Variants in KCNN3 observed in about 807,000 individuals in gnomAD.
The protein encoded by KCNN3 is potassium calcium-activated channel subfamily N member 3, also known as small conductance calcium-activated potassium channel protein 3.
In KCNN3, 16 loss-of-function variants were observed where a neutral mutation model predicts 62.9. That is an observed-to-expected ratio of 0.25 (90% CI 0.17 to 0.39). The LOEUF is 0.39. Among genes scored for constraint, KCNN3 ranks in the 10% least tolerant of loss-of-function variants. The probability of loss-of-function intolerance (pLI) is 1.00; values close to 1 mark genes in which losing one functional copy is unlikely to be tolerated. For missense variants in KCNN3, 599 were observed against 949.4 expected (o/e 0.63, Z 4.85); for synonymous variants, 370 against 389.2 (o/e 0.95, Z 0.58).
chr1:154,842,312 G>A (rs1315639609), intron 1 of KCNN3, among the ~76,000 whole-genome samples: 1 of 152,126 alleles, frequency 6.6e-6, no homozygotes, highest in Non-Finnish European at 1.5e-5. Flanking sequence ...TCCACACACA[G>A]TTCAGGCACC....
rs568852716 is a variant in KCNN3, at chr1:154,870,250, C to T, written c.-286G>A. The T allele has an allele frequency of 2.5e-4, 150 of 604,422 alleles. No homozygotes were observed. The highest frequency in any genetic ancestry group is 1.5e-3 in the Admixed American group (68 of 45,832). The allele number at this position is 604,422 out of a possible 1,614,324, so 37.4% of individuals were successfully genotyped here. On this transcript the variant is annotated 5_prime_UTR_variant, in exon 1 of 8. Transcript: ENST00000271915. The stretch of plus-strand genomic sequence containing the variant: ...GGTGGTCCTCTAGGAGCGTGTGAGG[C>T]CAGGCTCAGCTTCACTCCTCGCTGG...
intron 2 of KCNN3, among the ~76,000 whole-genome samples, chr1:154,791,965 T>G (rs866960840): frequency 2.0e-5 from 3 of 152,206 alleles, no homozygotes; most frequent in Non-Finnish European, 2.9e-5. Flanking sequence ...CTGCTTCCAC[T>G]GGCCAGGAAG....
intron 1 of KCNN3, among the ~76,000 whole-genome samples, chr1:154,841,385 T>A (rs1375305380): frequency 6.6e-6 from 1 of 152,088 alleles, no homozygotes; most frequent in Admixed American, 6.5e-5. Flanking sequence ...CTTTTTAAAA[T>A]CCCCACACCC....
chr1:154,742,331 G>A lies in KCNN3; in HGVS notation c.1449-9187C>T, dbSNP rs12120146. Among the ~76,000 whole-genome samples, 1,375 of 152,340 alleles carry A rather than the reference G, an allele frequency of 9.0e-3. 10 individuals carry two copies. Among genetic ancestry groups the A allele is most frequent in the Non-Finnish European group, 0.013 (883 of 68,036 alleles). On this transcript the variant is annotated intron_variant, in intron 3 of 7. Coordinates refer to ENST00000271915, the MANE Select transcript of KCNN3 (RefSeq NM_002249.6). ...CCACACACTGGCTTGCAGAAAGGCC[G>A]CAAAGCTGGCTGGGGTATAGCTGAA...
chr1:154,738,323 T>C (rs1004118968), intron 3 of KCNN3, among the ~76,000 whole-genome samples: 6 of 152,212 alleles, frequency 3.9e-5, no homozygotes, highest in African/African-American at 1.4e-4. Context: ...GGCCATGGAA[T>C]AAAGCCTTCA....
intron 2 of KCNN3, among the ~76,000 whole-genome samples, chr1:154,777,223 G>T (rs1270961707): frequency 6.6e-6 from 1 of 151,388 alleles, no homozygotes; most frequent in African/African-American, 2.4e-5. Flanking sequence ...AGACCCTCTT[G>T]CTCGCACCTC....
chr1:154,737,665 A>G (rs1485235448), intron 3 of KCNN3, among the ~76,000 whole-genome samples: 1 of 152,242 alleles, frequency 6.6e-6, no homozygotes, highest in Non-Finnish European at 1.5e-5. Context: ...CGAGACAAGA[A>G]TGGAATGCTG....
chr1:154,806,412 T>G (rs1650174602), intron 2 of KCNN3, among the ~76,000 whole-genome samples: 1 of 152,220 alleles, frequency 6.6e-6, no homozygotes, highest in East Asian at 1.9e-4. Context: ...CCCAGCTCTC[T>G]CAGCTGATGC....
chr1:154,745,463 G>T (rs924729732), intron 3 of KCNN3, among the ~76,000 whole-genome samples: 1 of 152,228 alleles, frequency 6.6e-6, no homozygotes, highest in African/African-American at 2.4e-5. Context: ...CTCTGGAAGA[G>T]GTGGGACAGC....
intron 1 of KCNN3, among the ~76,000 whole-genome samples, chr1:154,847,746 C>A (rs575539286): frequency 6.6e-6 from 1 of 152,314 alleles, no homozygotes; most frequent in East Asian, 1.9e-4. Context: ...TCAAGTCCAT[C>A]ATCATATCTT....
chr1:154,795,604 G>A (rs1649701622), intron 2 of KCNN3, among the ~76,000 whole-genome samples: 1 of 152,182 alleles, frequency 6.6e-6, no homozygotes, highest in African/African-American at 2.4e-5. Flanking sequence ...ATATAACTCA[G>A]TAAATGAGCA....
intron 1 of KCNN3, among the ~76,000 whole-genome samples, chr1:154,825,526 C>T (rs534085762): frequency 1.3e-4 from 20 of 151,774 alleles, no homozygotes; most frequent in African/African-American, 3.1e-4. Flanking sequence ...CCACTACACC[C>T]GGCTAATTTT....
In KCNN3 at chr1:154,869,679, C is replaced by A. The variant is rs1272864491; in HGVS notation, c.286G>T (p.Val96Phe). Residue 96 changes from valine (V) to phenylalanine (F), a missense_variant, in exon 1 of 8, where the codon GTC becomes TTC. Physicochemically the swap from Val to Phe is conservative, Grantham distance 50. Transcript: ENST00000271915. This position sits in a 1 kb window ranked among gnomAD's most constrained non-coding sequence, Gnocchi z 6.1. ...GAGGAGTGCAGCAGGCCAGGGTGGA[C>A]GGGCTGGCTCTGGAGTTGGGCGAGC... Reference protein sequence around the residue: ...SQLAQLQSQPVHPGLLHSSPT... With the variant: ...SQLAQLQSQPFHPGLLHSSPT... The A allele has an allele frequency of 1.3e-6, 2 of 1,596,756 alleles. No individual in the cohort carries two copies. The highest frequency in any genetic ancestry group is 2.7e-5 in the African/African-American group (2 of 73,712).
At chr1:154,729,219 G>C (rs190170186) in intron 4 of KCNN3, among the ~76,000 whole-genome samples, 5 of 152,260 alleles carry the variant, frequency 3.3e-5, no homozygotes, top group African/African-American at 1.2e-4. Context: ...GGGTCAGACT[G>C]GGGGGAAGAG....
chr1:154,814,851 C>T (rs1231357165), intron 2 of KCNN3, among the ~76,000 whole-genome samples: 2 of 152,222 alleles, frequency 1.3e-5, no homozygotes, highest in African/African-American at 4.8e-5. Context: ...AGGCAGGAGG[C>T]CGAGGCCCAA....
intron 3 of KCNN3, among the ~76,000 whole-genome samples, chr1:154,747,272 A>C (rs1700958685): frequency 6.6e-6 from 1 of 152,150 alleles, no homozygotes. Flanking sequence ...CAGCCTCCCC[A>C]GCTGGTGTCC....
At chr1:154,759,877 A>T (rs1160056167) in intron 3 of KCNN3, among the ~76,000 whole-genome samples, 4 of 152,172 alleles carry the variant, frequency 2.6e-5, no homozygotes, top group African/African-American at 9.7e-5. Flanking sequence ...TGCAATATGG[A>T]TTTCACTTTG....
intron 2 of KCNN3, among the ~76,000 whole-genome samples, chr1:154,773,680 CTA>C (rs1248934863): frequency 3.9e-5 from 6 of 152,342 alleles, no homozygotes; most frequent in Non-Finnish European, 5.9e-5. Flanking sequence ...CACAAGTGTT[CTA>C]TGTTGAGCCA....
At chr1:154,724,892 T>C (rs1328581759) in intron 5 of KCNN3, among the ~76,000 whole-genome samples, 1 of 151,886 alleles carries the variant, frequency 6.6e-6, no homozygotes, top group African/African-American at 2.4e-5. Flanking sequence ...AGTCTTGCTC[T>C]GTCGCCCAGG....
Sources: allele counts gnomAD v4.1 joint callset (sites outside exome capture counted in the v4.1 genomes callset), GRCh38; gene constraint gnomAD v4.1.1; non-coding constraint Gnocchi (gnomAD v3.1); transcripts MANE v1.5; gene names NCBI Gene and HGNC (gene_info 2026-07-23, HGNC 2026-07-21).